DLG2: variants seen among roughly 807,000 people sequenced by gnomAD.
DLG2 encodes the protein disks large homolog 2.
Under a neutral mutation model 132.5 loss-of-function variants are expected in DLG2, and 45 were observed. The ratio of observed to expected loss-of-function variants is 0.34; its 90% CI spans 0.27 to 0.44. DLG2 has a LOEUF of 0.44. DLG2 is among the 20% of genes least tolerant of loss of function. The pLI is 1.00. For synonymous variants in DLG2, 424 were observed against 419.6 expected (o/e 1.01, Z -0.13); for missense variants, 1,045 against 1,196.9 (o/e 0.87, Z 1.87).
Position 84,463,153 on chromosome 11 carries a change from A to G in DLG2, c.519+71417T>C, listed in dbSNP as rs577335798. ...CTTGCTCAATGTCACGCCAAGGAGTAGAGCCAGTTCACAGAATTTGCTTTC... is the reference window on the plus strand; with the variant it reads ...CTTGCTCAATGTCACGCCAAGGAGTGGAGCCAGTTCACAGAATTTGCTTTC... On this transcript the variant is annotated intron_variant, in intron 7 of 27. Transcript: ENST00000376104. Among the ~76,000 whole-genome samples, 8 of 151,320 alleles carry G rather than the reference A, an allele frequency of 5.3e-5. No homozygotes were observed. In the East Asian group the frequency reaches 1.4e-3, roughly 26 times the overall value.
intron 5 of DLG2, among the ~76,000 whole-genome samples, chr11:85,148,274 T>C (rs1408078815): frequency 6.6e-6 from 1 of 152,176 alleles, no homozygotes; most frequent in African/African-American, 2.4e-5. Flanking sequence ...TACCTAGTAA[T>C]GGGACTGCTG....
intron 3 of DLG2, among the ~76,000 whole-genome samples, chr11:85,315,522 T>C (rs1217081845): frequency 6.6e-6 from 1 of 151,932 alleles, no homozygotes; most frequent in Admixed American, 6.6e-5. Flanking sequence ...CTCTACAACA[T>C]GCTACTATGT....
intron 3 of DLG2, among the ~76,000 whole-genome samples, chr11:85,293,867 G>A (rs1293416388): frequency 6.6e-6 from 1 of 152,158 alleles, no homozygotes; most frequent in Non-Finnish European, 1.5e-5. Context: ...TTTAGAAAAT[G>A]TGTAAGTATT....
At chr11:85,506,644 G>A (rs1283096118) in intron 3 of DLG2, among the ~76,000 whole-genome samples, 2 of 152,198 alleles carry the variant, frequency 1.3e-5, no homozygotes, top group African/African-American at 4.8e-5. Context: ...CAACTATGTG[G>A]TTAATTTTGG....
chr11:85,369,403 C>A (rs561516096), intron 3 of DLG2, among the ~76,000 whole-genome samples: 54 of 152,198 alleles, frequency 3.5e-4, no homozygotes, highest in African/African-American at 1.3e-3. Context: ...AGGTTCTTCC[C>A]CAGGCATTTT....
intron 6 of DLG2, among the ~76,000 whole-genome samples, chr11:84,939,360 G>T (rs1429520566): frequency 6.6e-6 from 1 of 151,648 alleles, no homozygotes; most frequent in Non-Finnish European, 1.5e-5. Context: ...GAGTAAATAG[G>T]GTATCTATCA....
intron 6 of DLG2, among the ~76,000 whole-genome samples, chr11:85,062,127 T>C (rs1292108782): frequency 2.6e-5 from 4 of 151,896 alleles, no homozygotes; most frequent in African/African-American, 7.2e-5. Context: ...GCCTCTTTCA[T>C]TTTGGTTATC....
intron 6 of DLG2, among the ~76,000 whole-genome samples, chr11:84,787,831 G>A (rs967359929): frequency 6.6e-6 from 1 of 151,860 alleles, no homozygotes; most frequent in Non-Finnish European, 1.5e-5. Context: ...TGGCACAGTG[G>A]CTCATGCCTG....
At chr11:84,682,169 A>G (rs2153709242) in intron 6 of DLG2, among the ~76,000 whole-genome samples, 1 of 152,260 alleles carries the variant, frequency 6.6e-6, no homozygotes, top group East Asian at 1.9e-4. Flanking sequence ...ATTAAGCCCC[A>G]CCTCCAACAC....
intron 18 of DLG2, among the ~76,000 whole-genome samples, chr11:83,656,458 G>A (rs770869817): frequency 1.3e-5 from 2 of 152,138 alleles, no homozygotes; most frequent in African/African-American, 2.4e-5. Flanking sequence ...TTCTCCTCCT[G>A]AGCCTGACAT....
At chr11:84,102,506 TAG>T (rs893217841) in intron 9 of DLG2, among the ~76,000 whole-genome samples, 5 of 152,244 alleles carry the variant, frequency 3.3e-5, no homozygotes, top group Admixed American at 1.3e-4. Flanking sequence ...AATAAAAAAG[TAG>T]AAAGCTCAGG....
At chr11:85,412,752 C>CACACACAG (rs2089443181) in intron 3 of DLG2, among the ~76,000 whole-genome samples, 2 of 125,480 alleles carry the variant, frequency 1.6e-5, no homozygotes, top group Admixed American at 8.3e-5. Flanking sequence ...CACACACACA[C>CACACACAG]ACACACACAT....
intron 4 of DLG2, among the ~76,000 whole-genome samples, chr11:85,247,043 T>C (rs949913679): frequency 6.6e-6 from 1 of 151,682 alleles, no homozygotes; most frequent in Non-Finnish European, 1.5e-5. Context: ...GCACACATTA[T>C]ATGTTGATAA....
intron 3 of DLG2, among the ~76,000 whole-genome samples, chr11:85,503,482 C>A (rs772402459): frequency 5.3e-5 from 8 of 152,030 alleles, no homozygotes; most frequent in Non-Finnish European, 1.0e-4. Context: ...ATGTTCCCTC[C>A]AAAATGTAAG....
intron 3 of DLG2, among the ~76,000 whole-genome samples, chr11:85,341,812 A>C (rs1207346151): frequency 6.6e-6 from 1 of 152,204 alleles, no homozygotes; most frequent in African/African-American, 2.4e-5. Flanking sequence ...ACACACTTAC[A>C]CTATATGGTG....
chr11:85,613,644 T>C (rs531230024), intron 2 of DLG2, among the ~76,000 whole-genome samples: 1 of 152,280 alleles, frequency 6.6e-6, no homozygotes, highest in South Asian at 2.1e-4. Flanking sequence ...CAGCACTTGG[T>C]AAAAACGGAC....
chr11:83,691,333 T>A (rs2153620965), intron 18 of DLG2, among the ~76,000 whole-genome samples: 1 of 152,296 alleles, frequency 6.6e-6, no homozygotes, highest in Admixed American at 6.5e-5. Context: ...TTCTCTGTAC[T>A]CTCCTATCTA....
intron 3 of DLG2, among the ~76,000 whole-genome samples, chr11:85,394,218 T>C (rs2087074727): frequency 6.6e-6 from 1 of 152,186 alleles, no homozygotes; most frequent in Admixed American, 6.5e-5. Flanking sequence ...TGAGGTAATA[T>C]ATATGTTAAT....
At chr11:85,208,811 C>T (rs1166360834) in intron 4 of DLG2, among the ~76,000 whole-genome samples, 3 of 152,190 alleles carry the variant, frequency 2.0e-5, no homozygotes, top group Admixed American at 2.0e-4. Context: ...ACACTCCCTC[C>T]TCAATGAGTT....
Sources: allele counts gnomAD v4.1 joint callset (sites outside exome capture counted in the v4.1 genomes callset), GRCh38; gene constraint gnomAD v4.1.1; transcripts MANE v1.5; gene names NCBI Gene and HGNC (gene_info 2026-07-23, HGNC 2026-07-21).